Variants in ZAR1L observed in about 807,000 individuals in gnomAD.
ZAR1L encodes protein ZAR1-like.
In ZAR1L, 16 loss-of-function variants were observed where a neutral mutation model predicts 30.0. The ratio of observed to expected loss-of-function variants is 0.53; its 90% CI spans 0.36 to 0.81. The LOEUF (loss-of-function observed/expected upper bound fraction) is 0.81, where lower values mean the gene tolerates loss of function less well. Ranked by LOEUF, ZAR1L falls within the 30% of genes least tolerant of loss-of-function variation. The pLI is 0.00. For synonymous variants in ZAR1L, 197 were observed against 166.8 expected, an observed-to-expected ratio of 1.18 and a Z score of -1.40; for missense variants, 392 against 417.2, an observed-to-expected ratio of 0.94 and a Z score of 0.53.
In ZAR1L at chr13:32,307,870, T is replaced by G. The variant is rs144203085; in HGVS notation, c.822+816A>C. Among the ~76,000 whole-genome samples the G allele has an allele frequency of 3.1e-3, 475 of 152,306 alleles. 4 individuals carry two copies. Among genetic ancestry groups the G allele is most frequent in the African/African-American group, 0.011 (454 of 41,554 alleles). On this transcript the variant is annotated intron_variant, in intron 5 of 5. Coordinates refer to ENST00000533490, the MANE Select transcript of ZAR1L (RefSeq NM_001136571.2). ...CAGGCTGGAGTGCAGTGGTGCCATC[T>G]CAGCTCACTGCAACCTCCTCCTCCT...
At position 32,308,712 on chromosome 13, in the gene ZAR1L, A is replaced by G. The variant is rs989465485; in HGVS notation, c.796T>C (p.Tyr266His). 9.7e-6 allele frequency: 15 copies of G among 1,551,064 alleles called. No homozygotes were observed. Among genetic ancestry groups the G allele is most frequent in the Non-Finnish European group, 1.3e-5 (15 of 1,146,708 alleles). The change falls in exon 5 of 6, where the codon TAT (tyrosine) becomes CAT (histidine). Residue 266 changes from tyrosine to histidine, a missense_variant. Tyr to His is a moderately conservative substitution (Grantham distance 83). Coordinates refer to ENST00000533490, the MANE Select transcript of ZAR1L (RefSeq NM_001136571.2). ...TGACATTGGATTGCTTCTACTCGAT[A>G]AGGGTTAAAACTCTTTTGGCATTTA... is the stretch of plus-strand genomic sequence containing the variant. ...CCKCQKSFNP[Y>H]RVEAIQCQTC...
At chr13:32,310,607 T>A in intron 4 of ZAR1L, 32 bp downstream of exon 4, 2 of 1,412,530 alleles carry the variant, frequency 1.4e-6, no homozygotes, top group Non-Finnish European at 2.0e-6. Flanking sequence ...GCCCACCCCA[T>A]CCTCCTCTCA....
chr13:32,311,475 C>G lies in ZAR1L; in HGVS notation c.451G>C (p.Glu151Gln). ...GLIRLRRDGD[E>Q]AESKALPGPA... ...CCCGGGAGCGCCTTGCTCTCCGCTT[C>G]GTCCCCATCTCTCCGCAGGCGGATC... The change falls in exon 3 of 6, where the codon GAA becomes CAA. Residue 151 changes from glutamate (E) to glutamine (Q), a missense_variant. Coordinates refer to ENST00000533490, the MANE Select transcript of ZAR1L (RefSeq NM_001136571.2). The G allele has an allele frequency of 6.5e-7, 1 of 1,546,248 alleles. No homozygotes were observed. The highest frequency in any genetic ancestry group is 8.7e-7 in the Non-Finnish European group (1 of 1,146,662).
chr13:32,311,345 C>A lies in ZAR1L; in HGVS notation c.581G>T (p.Cys194Phe). 6.4e-7 allele frequency: 1 copy of A among 1,551,044 alleles called. No homozygotes were observed. The highest frequency in any genetic ancestry group is 8.7e-7 in the Non-Finnish European group (1 of 1,146,986). The change falls in exon 3 of 6, where the codon TGC becomes TTC. Residue 194 changes from cysteine to phenylalanine, a missense_variant. Coordinates refer to ENST00000533490, the MANE Select transcript of ZAR1L (RefSeq NM_001136571.2). ...LEESGEKDAP[C>F]PQETKSKQVP... ...CTGCTTGCTCTTCGTCTCCTGAGGGCACGGGGCGTCTTTCTCCCCCGATTC... is the reference window on the plus strand; with the variant it reads ...CTGCTTGCTCTTCGTCTCCTGAGGGAACGGGGCGTCTTTCTCCCCCGATTC...
Sources: gnomAD v4.1 joint callset for allele counts (sites outside exome capture counted in the v4.1 genomes callset) on GRCh38, gnomAD v4.1.1 for gene constraint, MANE v1.5 for transcripts, NCBI Gene and HGNC (gene_info 2026-07-23, HGNC 2026-07-21) for gene names.